The following NHSL1 variants were observed in gnomAD, a reference collection of about 807,000 sequenced individuals.
NHSL1 encodes NHS-like protein 1.
In NHSL1, 48 loss-of-function variants were observed where a neutral mutation model predicts 95.0. The ratio of observed to expected loss-of-function variants is 0.51; its 90% CI spans 0.40 to 0.64. The LOEUF (loss-of-function observed/expected upper bound fraction) is 0.64. Among genes scored for constraint, NHSL1 ranks in the 30% least tolerant of loss-of-function variants. The probability of loss-of-function intolerance (pLI) is 0.00; values close to 1 mark genes in which losing one functional copy is unlikely to be tolerated. For missense variants in NHSL1, 1,971 were observed against 2,077.7 expected, an observed-to-expected ratio of 0.95 and a Z score of 1.00; for synonymous variants, 783 against 833.9, an observed-to-expected ratio of 0.94 and a Z score of 1.05.
chr6:138,676,221 G>A (rs4604288), intron 1 of NHSL1, among the ~76,000 whole-genome samples: 93,895 of 151,838 alleles, frequency 0.62, 30,652 homozygotes, highest in East Asian at 0.92. Context: ...ATGGAATATC[G>A]TGATATCAAA....
At position 138,432,712 on chromosome 6, in the gene NHSL1, C is replaced by T. The variant is rs76205421; in HGVS notation, c.1633G>A (p.Gly545Arg). The T allele has an allele frequency of 1.2e-3, 1,904 of 1,551,508 alleles. 19 individuals are homozygous for T. The African/African-American group carries it at 0.02, about 17-fold the overall frequency. ...GKSESSYSGGGGHSSSEPWEY... is the reference protein window; with the variant it reads ...GKSESSYSGGRGHSSSEPWEY... ...CAGGGCTCCGAGCTGCTGTGCCCTC[C>T]GCCCCCTGAATAACTAGATTCACTC... Residue 545 changes from glycine (G) to arginine (R), a missense_variant, in exon 6 of 8, where the codon GGA (glycine) becomes AGA (arginine). Physicochemically the swap from Gly to Arg is moderately radical, Grantham distance 125. Around this residue, in one of 3 missense-constraint regions of NHSL1, gnomAD observed 1,602 missense variants for 1,654.5 expected, o/e 0.97. Coordinates refer to ENST00000343505, the MANE Select transcript of NHSL1 (RefSeq NM_001144060.2). The surrounding 1 kb of genome is among the most constrained non-coding windows in gnomAD (Gnocchi z 4.4).
chr6:138,678,517 T>C (rs966087495), intron 1 of NHSL1, among the ~76,000 whole-genome samples: 3 of 152,194 alleles, frequency 2.0e-5, no homozygotes, highest in Admixed American at 2.0e-4. Context: ...TGTAAACCCC[T>C]AGCCAAACTC....
At chr6:138,582,023 A>G (rs950937107) in intron 1 of NHSL1, among the ~76,000 whole-genome samples, 2 of 151,358 alleles carry the variant, frequency 1.3e-5, no homozygotes, top group African/African-American at 2.4e-5. Flanking sequence ...CCACCTCCCA[A>G]GTAGTTGGGA....
chr6:138,529,330 A>C (rs1207829313), intron 1 of NHSL1, among the ~76,000 whole-genome samples: 2 of 152,218 alleles, frequency 1.3e-5, no homozygotes, highest in African/African-American at 4.8e-5. Context: ...AGGTTCCCAA[A>C]GCAAGACACT....
intron 1 of NHSL1, among the ~76,000 whole-genome samples, chr6:138,517,571 T>C (rs757224530): frequency 6.6e-6 from 1 of 152,170 alleles, no homozygotes; most frequent in Non-Finnish European, 1.5e-5. Context: ...AAAGCAGATA[T>C]GAAAGCAATG....
intron 1 of NHSL1, among the ~76,000 whole-genome samples, chr6:138,639,797 C>CAAAAAAA (rs56909767): frequency 4.4e-5 from 1 of 22,588 alleles, no homozygotes; most frequent in Non-Finnish European, 1.1e-4. Flanking sequence ...GACTCAGTCT[C>CAAAAAAA]AAAAAAAAAA....
At chr6:138,449,764 CT>C (rs200100326) in intron 3 of NHSL1, among the ~76,000 whole-genome samples, 4 of 151,734 alleles carry the variant, frequency 2.6e-5, no homozygotes, top group Non-Finnish European at 4.4e-5. Context: ...CATGTACTCA[CT>C]TTTTTTTCTT....
Position 138,691,501 on chromosome 6 carries a change from T to C in NHSL1, c.96+975A>G, listed in dbSNP as rs193065205. Among the ~76,000 whole-genome samples the C allele has an allele frequency of 1.2e-3, 177 of 152,326 alleles. 1 individual carries two copies. The highest frequency in any genetic ancestry group is 1.6e-3 in the Non-Finnish European group (110 of 68,036). On this transcript the variant is annotated intron_variant, in intron 1 of 3. Transcript: ENST00000491526. ...CTATTCGAGATTGCATATGAAGTGA[T>C]TCTAGGAGAAAAAACTATTTCATCC...
intron 1 of NHSL1, among the ~76,000 whole-genome samples, chr6:138,497,508 A>G (rs1780426848): frequency 6.6e-6 from 1 of 152,214 alleles, no homozygotes; most frequent in Non-Finnish European, 1.5e-5. Flanking sequence ...ACTAGACCAT[A>G]AAATGAATTC....
In NHSL1 at chr6:138,429,829, T is replaced by A. The variant is rs775929536; in HGVS notation, c.3967A>T (p.Thr1323Ser). The change falls in exon 7 of 8, where the codon ACC (threonine) becomes TCC (serine). Residue 1323 changes from threonine to serine, a missense_variant. Transcript: ENST00000343505. ...TCTGAGGATGAACCGGCTGCGTTGG[T>A]CTCCGGCACCCCAGCTACAGAAGAG... ...QQDGAAGVPE[T>S]NAAGSSSEAC... 5.2e-6 allele frequency: 8 copies of A among 1,551,218 alleles called. No homozygotes were observed. Among genetic ancestry groups the A allele is most frequent in the Non-Finnish European group, 7.0e-6 (8 of 1,146,870 alleles).
intron 1 of NHSL1, among the ~76,000 whole-genome samples, chr6:138,662,902 A>G (rs139814713): frequency 2.2e-4 from 34 of 152,166 alleles, no homozygotes; most frequent in African/African-American, 5.5e-4. Flanking sequence ...ATTGGTAAAA[A>G]GTTTCTGGAG....
intron 3 of NHSL1, chr6:138,463,991 T>C: frequency 3.7e-6 from 1 of 269,976 alleles, no homozygotes. Context: ...GTTCACTTGA[T>C]GGCTTCTCAG....
intron 1 of NHSL1, among the ~76,000 whole-genome samples, chr6:138,526,434 T>C (rs1213591271): frequency 6.6e-6 from 1 of 152,116 alleles, no homozygotes; most frequent in Non-Finnish European, 1.5e-5. Context: ...TGAGCCAAGA[T>C]TGCACCACTG....
intron 1 of NHSL1, among the ~76,000 whole-genome samples, chr6:138,562,017 T>A (rs1562371854): frequency 6.6e-6 from 1 of 152,180 alleles, no homozygotes; most frequent in Non-Finnish European, 1.5e-5. Context: ...AGATGCTGAA[T>A]TCAACGGAAC....
chr6:138,437,437 C>CAAAAA (rs1562270847), intron 5 of NHSL1, among the ~76,000 whole-genome samples: 1 of 37,354 alleles, frequency 2.7e-5, no homozygotes, highest in Non-Finnish European at 5.4e-5. Flanking sequence ...CACACACACA[C>CAAAAA]ACACACACAA....
chr6:138,659,645 A>G (rs899953283), intron 1 of NHSL1, among the ~76,000 whole-genome samples: 6 of 151,996 alleles, frequency 3.9e-5, no homozygotes, highest in Non-Finnish European at 7.4e-5. Flanking sequence ...TATTACATTA[A>G]TTGAATATAA....
At chr6:138,664,092 A>G (rs1785264582) in intron 1 of NHSL1, among the ~76,000 whole-genome samples, 1 of 152,198 alleles carries the variant, frequency 6.6e-6, no homozygotes, top group Non-Finnish European at 1.5e-5. Flanking sequence ...GGATTAGATA[A>G]TGGTCACTGT....
intron 3 of NHSL1, among the ~76,000 whole-genome samples, chr6:138,465,964 T>C (rs1367139256): frequency 6.8e-6 from 1 of 147,648 alleles, no homozygotes; most frequent in Non-Finnish European, 1.5e-5. Context: ...CCTTAGGTGA[T>C]ACACCCACCT....
Position 138,424,300 on chromosome 6 carries a change from C to T in NHSL1, c.4602G>A (p.Glu1534=). 3 of 1,516,288 alleles carry T rather than the reference C, an allele frequency of 2.0e-6. No homozygotes were observed. The highest frequency in any genetic ancestry group is 2.5e-5 in the East Asian group (1 of 40,532). The allele number at this position is 1,516,288 out of a possible 1,614,324, so 93.9% of individuals were successfully genotyped here. A position where few individuals can be genotyped will look rare whatever the true frequency, so the allele number is the denominator to read the frequency against. Residue 1534 remains glutamate, a synonymous_variant, in exon 8 of 8, where the codon GAG becomes GAA. Coordinates refer to ENST00000343505, the MANE Select transcript of NHSL1 (RefSeq NM_001144060.2). This position sits in a 1 kb window ranked among gnomAD's most constrained non-coding sequence, Gnocchi z 5.9. ...CCCCGCGGGCTATGCTGTCCACAGG[C>T]TCCACGGCTTCCCCTTCTCCCTCCG... The part of the protein sequence containing the change: ...VISEGEGEAV[E]PVDSIARGAL...
Sources: allele counts gnomAD v4.1 joint callset (sites outside exome capture counted in the v4.1 genomes callset), GRCh38; gene constraint gnomAD v4.1.1; regional missense constraint gnomAD v4.1.1; non-coding constraint Gnocchi (gnomAD v3.1); transcripts MANE v1.5; gene names NCBI Gene and HGNC (gene_info 2026-07-23, HGNC 2026-07-21).